CADM1: variants seen among roughly 807,000 people sequenced by gnomAD.
CADM1 encodes the protein TSLC-1.
A neutral mutation model predicts 53.1 loss-of-function variants in CADM1; 15 were observed. The observed-to-expected ratio is 0.28, with a 90% CI of 0.19 to 0.44. CADM1 has a LOEUF of 0.44. Ranked by LOEUF, CADM1 falls within the 20% of genes least tolerant of loss-of-function variation. The pLI, the probability that CADM1 is intolerant of heterozygous loss-of-function variation, is 1.00. For missense variants in CADM1, 434 were observed against 611.3 expected (o/e 0.71, Z 3.06); for synonymous variants, 281 against 243.0 (o/e 1.16, Z -1.45).
At chr11:115,265,967 C>G (rs1943122204) in intron 1 of CADM1, among the ~76,000 whole-genome samples, 1 of 152,174 alleles carries the variant, frequency 6.6e-6, no homozygotes, top group South Asian at 2.1e-4. Context: ...GTTAGAAATG[C>G]AAACTCTTGG....
intron 1 of CADM1, among the ~76,000 whole-genome samples, chr11:115,464,851 T>C (rs746883540): frequency 1.2e-4 from 18 of 152,218 alleles, no homozygotes; most frequent in Non-Finnish European, 8.8e-5. Flanking sequence ...ACTTAAAAGA[T>C]GTTGCTCAGT....
chr11:115,464,374 G>A (rs1270647983), intron 1 of CADM1, among the ~76,000 whole-genome samples: 1 of 152,140 alleles, frequency 6.6e-6, no homozygotes, highest in Non-Finnish European at 1.5e-5. Context: ...AAATTAAAGC[G>A]CATAATAGGT....
At chr11:115,496,828 G>A (rs1039162055) in intron 1 of CADM1, among the ~76,000 whole-genome samples, 5 of 152,142 alleles carry the variant, frequency 3.3e-5, no homozygotes, top group African/African-American at 1.2e-4. Flanking sequence ...AAATTTAGGG[G>A]CCTTGGAGAC....
At chr11:115,308,784 C>T (rs1418302022) in intron 1 of CADM1, among the ~76,000 whole-genome samples, 1 of 148,448 alleles carries the variant, frequency 6.7e-6, no homozygotes, top group Non-Finnish European at 1.5e-5. Flanking sequence ...CCCTCCCTCC[C>T]TTCATCCTTC....
chr11:115,409,932 C>T (rs1410514365), intron 1 of CADM1, among the ~76,000 whole-genome samples: 1 of 152,158 alleles, frequency 6.6e-6, no homozygotes, highest in Non-Finnish European at 1.5e-5. Flanking sequence ...ATGGATGCAT[C>T]CCAATGCTTT....
chr11:115,175,293 T>C lies in CADM1; in HGVS notation c.*1181A>G, dbSNP rs1383294315. 3.0e-6 allele frequency: 3 copies of C among 985,340 alleles called. No individual in the cohort carries two copies. The highest frequency in any genetic ancestry group is 4.7e-5 in the South Asian group (1 of 21,270). The allele number at this position is 985,340 out of a possible 1,614,324, so 61.0% of individuals were successfully genotyped here. On this transcript the variant is annotated 3_prime_UTR_variant, in exon 12 of 12. Coordinates refer to ENST00000331581, the MANE Select transcript of CADM1 (RefSeq NM_001301043.2). The stretch of plus-strand genomic sequence containing the variant: ...AATGAAAGTTTCACACAGATTCGAG[T>C]TGGAAATCCCAGCATGACAAATATC...
At chr11:115,413,095 T>G (rs1947498441) in intron 1 of CADM1, among the ~76,000 whole-genome samples, 1 of 152,128 alleles carries the variant, frequency 6.6e-6, no homozygotes, top group African/African-American at 2.4e-5. Context: ...AAATATCTGG[T>G]TTATTTACCC....
intron 1 of CADM1, among the ~76,000 whole-genome samples, chr11:115,442,583 G>A (rs958941339): frequency 3.3e-5 from 5 of 152,094 alleles, no homozygotes; most frequent in African/African-American, 9.7e-5. Context: ...ATGACAGATC[G>A]GCAATTACGT....
chr11:115,319,563 C>T (rs1022882779), intron 1 of CADM1, among the ~76,000 whole-genome samples: 19 of 152,082 alleles, frequency 1.2e-4, no homozygotes, highest in African/African-American at 4.6e-4. Flanking sequence ...AGGTACCCTG[C>T]CAATTCTTTG....
rs1286694560 is a variant in CADM1 at position 115,173,777 on chromosome 11, T to G, written c.*2697A>C. 1.0e-6 allele frequency: 1 copy of G among 984,274 alleles called. No homozygotes were observed. Among genetic ancestry groups the G allele is most frequent in the Non-Finnish European group, 1.2e-6 (1 of 829,058 alleles). 61.0% of individuals were successfully genotyped at this position (984,274 alleles called of 1,614,324 possible). On this transcript the variant is annotated 3_prime_UTR_variant, in exon 12 of 12. Transcript: ENST00000331581. ...TATGGAGTTTCTTACACTGTAACAT[T>G]GTCCATGTACACCTTAAAAACAGAA...
chr11:115,186,866 G>T (rs917057648), intron 10 of CADM1, among the ~76,000 whole-genome samples: 1 of 152,016 alleles, frequency 6.6e-6, no homozygotes, highest in Non-Finnish European at 1.5e-5. Flanking sequence ...CGTGTTTTGG[G>T]TCTGTCTCCC....
intron 1 of CADM1, among the ~76,000 whole-genome samples, chr11:115,275,811 G>T (rs58773952): frequency 1.8e-3 from 272 of 152,186 alleles, no homozygotes; most frequent in African/African-American, 6.0e-3. Context: ...GCTACTTAAG[G>T]TTCCACGTTT....
At chr11:115,342,377 G>A (rs1945471215) in intron 1 of CADM1, among the ~76,000 whole-genome samples, 1 of 152,094 alleles carries the variant, frequency 6.6e-6, no homozygotes, top group Non-Finnish European at 1.5e-5. Context: ...AGAGAAACTA[G>A]GAAATCCAAA....
intron 1 of CADM1, among the ~76,000 whole-genome samples, chr11:115,328,749 G>T (rs148922106): frequency 0.089 from 1,484 of 16,678 alleles, 148 homozygotes; most frequent in African/African-American, 0.18. Flanking sequence ...TATATATATA[G>T]AATCCAATCT....
chr11:115,488,050 C>T (rs1336315660), intron 1 of CADM1, among the ~76,000 whole-genome samples: 1 of 141,890 alleles, frequency 7.0e-6, no homozygotes. Context: ...AAAAAAAAAT[C>T]TACCAAGAAA....
chr11:115,221,967 A>T (rs1316430257), intron 5 of CADM1, among the ~76,000 whole-genome samples: 1 of 152,172 alleles, frequency 6.6e-6, no homozygotes, highest in East Asian at 1.9e-4. Flanking sequence ...GCTCAATGCA[A>T]CTAGGTCCAG....
intron 1 of CADM1, among the ~76,000 whole-genome samples, chr11:115,340,996 G>A (rs1431011434): frequency 6.6e-6 from 1 of 151,856 alleles, no homozygotes; most frequent in African/African-American, 2.4e-5. Flanking sequence ...GGAAGAAAAT[G>A]TTGTTATAAA....
rs746852319 is a variant in CADM1 at position 115,337,324 on chromosome 11, ATTTC to A, written c.125-96908_125-96905del. 3.9e-4 allele frequency among the ~76,000 whole-genome samples: 59 copies of A among 152,116 alleles called. 1 individual carries two copies. Among genetic ancestry groups the A allele is most frequent in the Non-Finnish European group, 1.3e-4 (9 of 68,020 alleles). ...GACATTAGGTGTTGCAGGTAACAGA[ATTTC>A]TTTCTTTCCACATAATTGTCTGTCT... On this transcript the variant is annotated intron_variant, in intron 1 of 11. Coordinates refer to ENST00000331581, the MANE Select transcript of CADM1 (RefSeq NM_001301043.2).
chr11:115,475,342 T>A (rs1490528711), intron 1 of CADM1, among the ~76,000 whole-genome samples: 3 of 152,206 alleles, frequency 2.0e-5, no homozygotes, highest in African/African-American at 4.8e-5. Flanking sequence ...CTGAAGCTGG[T>A]TGAATACACA....
Sources: gnomAD v4.1 joint callset for allele counts (sites outside exome capture counted in the v4.1 genomes callset) on GRCh38, gnomAD v4.1.1 for gene constraint, MANE v1.5 for transcripts, NCBI Gene and HGNC (gene_info 2026-07-23, HGNC 2026-07-21) for gene names.